The following CCDC91 variants were observed in gnomAD, a reference collection of about 807,000 sequenced individuals.
CCDC91 encodes coiled-coil domain-containing protein 91.
A neutral mutation model predicts 63.2 loss-of-function variants in CCDC91; 48 were observed. The observed-to-expected ratio is 0.76, with a 90% CI of 0.60 to 0.97. CCDC91 has a LOEUF of 0.97. Ranked by LOEUF, CCDC91 falls within the 50% of genes least tolerant of loss-of-function variation. The probability of loss-of-function intolerance (pLI) is 0.00; values close to 1 mark genes in which losing one functional copy is unlikely to be tolerated. For missense variants in CCDC91, 500 were observed against 494.6 expected (o/e 1.01, Z -0.10); for synonymous variants, 167 against 165.8 (o/e 1.01, Z -0.06).
At chr12:28,270,200 C>G (rs1592158260) in intron 3 of CCDC91, among the ~76,000 whole-genome samples, 2 of 151,892 alleles carry the variant, frequency 1.3e-5, no homozygotes, top group South Asian at 4.2e-4. Flanking sequence ...GTTAATGGAC[C>G]TTCCCAAGTA....
intron 6 of CCDC91, among the ~76,000 whole-genome samples, chr12:28,337,795 G>A (rs1178991802): frequency 6.6e-6 from 1 of 151,624 alleles, no homozygotes; most frequent in African/African-American, 2.4e-5. Context: ...TTTTTGTTTT[G>A]TTTTTCTTAA....
chr12:28,341,474 C>A (rs905939449), intron 6 of CCDC91, among the ~76,000 whole-genome samples: 2 of 152,158 alleles, frequency 1.3e-5, no homozygotes, highest in African/African-American at 4.8e-5. Context: ...TTAAACTCAC[C>A]AGAATAATCC....
intron 3 of CCDC91, among the ~76,000 whole-genome samples, chr12:28,280,208 AT>A (rs1264392072): frequency 5.3e-5 from 8 of 152,062 alleles, no homozygotes; most frequent in African/African-American, 1.9e-4. Flanking sequence ...TGATAATACT[AT>A]AAGATTTTAG....
intron 8 of CCDC91, among the ~76,000 whole-genome samples, chr12:28,431,939 T>C (rs1318354718): frequency 6.6e-6 from 1 of 152,096 alleles, no homozygotes; most frequent in Admixed American, 6.6e-5. Flanking sequence ...ACTGTCTCTA[T>C]AGTTTTGCCT....
intron 3 of CCDC91, among the ~76,000 whole-genome samples, chr12:28,271,775 G>T (rs570800910): frequency 3.3e-5 from 5 of 151,442 alleles, no homozygotes; most frequent in South Asian, 2.1e-4. Context: ...CAAAGAATGT[G>T]GAACATTTGA....
intron 1 of CCDC91, among the ~76,000 whole-genome samples, chr12:28,207,412 T>C (rs1942936079): frequency 6.6e-6 from 1 of 152,192 alleles, no homozygotes; most frequent in South Asian, 2.1e-4. Context: ...TTCTCTGATG[T>C]TCTCAGAAGA....
chr12:28,443,948 C>G (rs1949366270), intron 8 of CCDC91, among the ~76,000 whole-genome samples: 1 of 152,062 alleles, frequency 6.6e-6, no homozygotes, highest in South Asian at 2.1e-4. Flanking sequence ...CAATAGTTTG[C>G]AGAACCTGTT....
At chr12:28,441,821 G>A (rs1290155772) in intron 8 of CCDC91, among the ~76,000 whole-genome samples, 1 of 151,228 alleles carries the variant, frequency 6.6e-6, no homozygotes, top group Admixed American at 6.6e-5. Flanking sequence ...GTTGCTTTGG[G>A]GAAAGGGAAT....
intron 8 of CCDC91, among the ~76,000 whole-genome samples, chr12:28,424,431 A>C (rs1948190749): frequency 6.6e-6 from 1 of 152,178 alleles, no homozygotes; most frequent in Admixed American, 6.6e-5. Context: ...CCAGCAATGC[A>C]CAGAGATCCT....
chr12:28,264,020 C>G (rs1466196884), intron 3 of CCDC91, among the ~76,000 whole-genome samples: 1 of 150,448 alleles, frequency 6.6e-6, no homozygotes, highest in Admixed American at 6.6e-5. Flanking sequence ...AATTAACTTT[C>G]CTGGTCATTC....
intron 1 of CCDC91, among the ~76,000 whole-genome samples, chr12:28,219,306 T>C (rs1170725805): frequency 6.6e-6 from 1 of 152,170 alleles, no homozygotes; most frequent in African/African-American, 2.4e-5. Context: ...ATTATTTATA[T>C]GTAAGCTTTC....
chr12:28,458,341 T>G (rs1287800493), intron 11 of CCDC91, among the ~76,000 whole-genome samples: 2 of 151,790 alleles, frequency 1.3e-5, no homozygotes, highest in South Asian at 2.1e-4. Flanking sequence ...TCTATTATAT[T>G]TTTTTCAGTT....
chr12:28,377,303 G>A (rs1014584984), intron 7 of CCDC91, among the ~76,000 whole-genome samples: 13 of 151,386 alleles, frequency 8.6e-5, no homozygotes, highest in Non-Finnish European at 1.3e-4. Context: ...TGTTGTTTTC[G>A]TTTTTTAACT....
chr12:28,433,893 C>G (rs1243347348), intron 8 of CCDC91, among the ~76,000 whole-genome samples: 2 of 151,826 alleles, frequency 1.3e-5, no homozygotes, highest in Non-Finnish European at 2.9e-5. Flanking sequence ...TGTAGATTTT[C>G]TCATATAGAT....
At chr12:28,537,946 G>A (rs772010245) in intron 12 of CCDC91, among the ~76,000 whole-genome samples, 4 of 152,098 alleles carry the variant, frequency 2.6e-5, no homozygotes, top group Non-Finnish European at 4.4e-5. Context: ...AAAATTAAAT[G>A]GGAGCTCTAT....
Position 28,549,533 on chromosome 12 carries a change from G to T in CCDC91, c.*360G>T, listed in dbSNP as rs1446015214. 1 of 154,792 alleles carries T rather than the reference G, an allele frequency of 6.5e-6. No homozygotes were observed. The highest frequency in any genetic ancestry group is 1.4e-5 in the Non-Finnish European group (1 of 69,790). 9.6% of individuals were successfully genotyped at this position (154,792 alleles called of 1,614,324 possible). A position where few individuals can be genotyped will look rare whatever the true frequency, so the allele number is the denominator to read the frequency against. On this transcript the variant is annotated 3_prime_UTR_variant, in exon 13 of 13. Transcript: ENST00000536442. ...AGTAGTAAATATATTATTGTTTCAT[G>T]ATGACTCTTGATGAGATGCTAGAAT...
Position 28,519,752 on chromosome 12 carries a change from A to G in CCDC91, c.1216-29311A>G, listed in dbSNP as rs1940393732. The stretch of plus-strand genomic sequence containing the variant: ...ACCCCACAACAGGCCCCGGTGTGTG[A>G]TGTTCCCCTTCCTGTGTCCAAGTGT... On this transcript the variant is annotated intron_variant, in intron 12 of 12. Coordinates refer to ENST00000536442, the MANE Select transcript of CCDC91 (RefSeq NM_018318.5). Among the ~76,000 whole-genome samples the G allele has an allele frequency of 1.1e-4, 13 of 114,982 alleles. No individual in the cohort carries two copies. In the South Asian group the frequency reaches 3.6e-3, roughly 32 times the overall value. The allele number at this position is 114,982 out of a possible 152,430, so 75.4% of individuals were successfully genotyped here.
chr12:28,223,458 G>A (rs1944079030), intron 1 of CCDC91, among the ~76,000 whole-genome samples: 1 of 152,012 alleles, frequency 6.6e-6, no homozygotes, highest in African/African-American at 2.4e-5. Flanking sequence ...TCCTTTTTCT[G>A]AGTCTCTATA....
Position 28,549,157 on chromosome 12 carries a change from C to A in CCDC91, c.1310C>A (p.Pro437Gln). 6.2e-7 allele frequency: 1 copy of A among 1,604,346 alleles called. No homozygotes were observed. The highest frequency in any genetic ancestry group is 8.5e-7 in the Non-Finnish European group (1 of 1,171,622). ...TTAAGTGCTTTAATAGCTACGGAAC[C>A]AGTTGACATTGAATAAAAAGAACAT... ...KQLSALIATEPVDIE is the reference protein window; with the variant it reads ...KQLSALIATEQVDIE The change falls in exon 13 of 13, where the codon CCA (proline) becomes CAA (glutamine). Residue 437 changes from proline to glutamine, a missense_variant. By Grantham distance (76) the Pro-to-Gln change is moderately conservative. Transcript: ENST00000536442.
Sources: allele counts gnomAD v4.1 joint callset (sites outside exome capture counted in the v4.1 genomes callset), GRCh38; gene constraint gnomAD v4.1.1; transcripts MANE v1.5; gene names NCBI Gene and HGNC (gene_info 2026-07-23, HGNC 2026-07-21).